Variants in MYT1L observed in about 807,000 individuals in gnomAD.
MYT1L encodes the protein myelin transcription factor 1-like protein.
Under a neutral mutation model 126.7 loss-of-function variants are expected in MYT1L, and 12 were observed. That is an observed-to-expected ratio of 0.09 (90% confidence interval 0.06 to 0.15). The LOEUF is 0.15. Among genes scored for constraint, MYT1L ranks in the 10% least tolerant of loss-of-function variants. The pLI is 1.00. For missense variants in MYT1L, 979 were observed against 1,585.2 expected (o/e 0.62, Z 6.49); for synonymous variants, 541 against 604.2 (o/e 0.90, Z 1.53).
intron 4 of MYT1L, among the ~76,000 whole-genome samples, chr2:2,008,725 T>C (rs1361692701): frequency 6.6e-6 from 1 of 152,190 alleles, no homozygotes; most frequent in Non-Finnish European, 1.5e-5. Flanking sequence ...CATTTAAGCT[T>C]TTGGGTAACA....
At position 2,236,874 on chromosome 2, in the gene MYT1L, C is replaced by T. The variant is rs185800653; in HGVS notation, c.-421+47530G>A. Among the ~76,000 whole-genome samples, 1,037 of 147,694 alleles carry T rather than the reference C, an allele frequency of 7.0e-3. 12 individuals are homozygous for T. Among genetic ancestry groups the T allele is most frequent in the African/African-American group, 0.024 (971 of 40,102 alleles). On this transcript the variant is annotated intron_variant, in intron 2 of 24. Transcript: ENST00000647738. ...TGTTGCCCAGGCTGGAATGCAATGG[C>T]GTGATCTCGGCTCACTGTAACCTCT...
chr2:1,915,754 G>A (rs1488211162), intron 11 of MYT1L, among the ~76,000 whole-genome samples: 1 of 152,124 alleles, frequency 6.6e-6, no homozygotes, highest in Non-Finnish European at 1.5e-5. Context: ...ATCTTAGCCC[G>A]GAGCTTACTT....
chr2:1,883,256 C>T (rs1384160570), intron 18 of MYT1L, among the ~76,000 whole-genome samples: 1 of 152,236 alleles, frequency 6.6e-6, no homozygotes, highest in African/African-American at 2.4e-5. Flanking sequence ...CTCTTAAGAG[C>T]CAATTCTCTG....
At chr2:1,826,552 C>T (rs1317740381) in intron 21 of MYT1L, among the ~76,000 whole-genome samples, 1 of 152,114 alleles carries the variant, frequency 6.6e-6, no homozygotes, top group Non-Finnish European at 1.5e-5. Context: ...CAGTTCGAGA[C>T]AGATGTTGAA....
At chr2:1,836,633 C>A (rs1231500403) in intron 21 of MYT1L, among the ~76,000 whole-genome samples, 4 of 151,550 alleles carry the variant, frequency 2.6e-5, no homozygotes, top group Non-Finnish European at 2.9e-5. Context: ...TCACAAAATT[C>A]CATCAGCCTG....
At chr2:2,233,334 T>A (rs997470786) in intron 2 of MYT1L, among the ~76,000 whole-genome samples, 19 of 152,062 alleles carry the variant, frequency 1.2e-4, no homozygotes, top group African/African-American at 4.3e-4. Flanking sequence ...AGGGCTGAGA[T>A]GCGGGGGTGT....
chr2:2,240,496 T>C (rs75935988), intron 2 of MYT1L, among the ~76,000 whole-genome samples: 3,312 of 152,332 alleles, frequency 0.022, 46 homozygotes, highest in Middle Eastern at 0.065. Flanking sequence ...TGGATCATTA[T>C]CTACTCTTTG....
chr2:1,796,442 C>A (rs891684792), intron 23 of MYT1L, among the ~76,000 whole-genome samples: 6 of 152,252 alleles, frequency 3.9e-5, no homozygotes, highest in Non-Finnish European at 7.3e-5. Flanking sequence ...GGCTTAGCCC[C>A]AGGGAGAACA....
chr2:1,807,111 G>C (rs926858670), intron 22 of MYT1L, among the ~76,000 whole-genome samples: 1 of 152,188 alleles, frequency 6.6e-6, no homozygotes, highest in Non-Finnish European at 1.5e-5. Context: ...AAACTGACAG[G>C]AGCAGCCTGG....
chr2:2,295,565 CAGAGAGAGAG>C (rs60405946), intron 1 of MYT1L, among the ~76,000 whole-genome samples: 1 of 33,860 alleles, frequency 3.0e-5, no homozygotes, highest in Non-Finnish European at 5.7e-5. Flanking sequence ...GACAGACAGA[CAGAGAGAGAG>C]AGAGAGAGAC....
In MYT1L at chr2:2,033,064, G is replaced by A. The variant is rs1417234499; in HGVS notation, c.-158+20914C>T. 1.3e-3 allele frequency among the ~76,000 whole-genome samples: 152 copies of A among 119,800 alleles called. 1 individual carries two copies. The highest frequency in any genetic ancestry group is 7.5e-3 in the Middle Eastern group (1 of 134). 78.6% of individuals were successfully genotyped at this position (119,800 alleles called of 152,430 possible). Reference sequence around the variant, plus strand: ...AAGGAGGGCCTTACACACACCCCTCGCCAGTGCCTCTCATCCTGTGGCCCA... The same window carrying A: ...AAGGAGGGCCTTACACACACCCCTCACCAGTGCCTCTCATCCTGTGGCCCA... On this transcript the variant is annotated intron_variant, in intron 4 of 24. Transcript: ENST00000647738.
At chr2:2,297,226 G>A (rs2095709069) in intron 1 of MYT1L, among the ~76,000 whole-genome samples, 1 of 152,238 alleles carries the variant, frequency 6.6e-6, no homozygotes, top group Admixed American at 6.5e-5. Flanking sequence ...TCTCAGTGAA[G>A]TCGTGACCCT....
At chr2:1,927,486 G>A (rs1038707264) in intron 9 of MYT1L, among the ~76,000 whole-genome samples, 2 of 152,130 alleles carry the variant, frequency 1.3e-5, no homozygotes, top group Non-Finnish European at 2.9e-5. Context: ...GAGTCTGGTA[G>A]AGTCAGAACT....
rs77312930 is a variant in MYT1L at position 1,860,192 on chromosome 2, C to T, written c.2712-8489G>A. Among the ~76,000 whole-genome samples the T allele has an allele frequency of 8.3e-3, 1,264 of 152,344 alleles. 16 individuals carry two copies. Among genetic ancestry groups the T allele is most frequent in the Middle Eastern group, 0.017 (5 of 294 alleles). Reference sequence around the variant, plus strand: ...ACATCCTGACGTCCCATTCACTTAACGGGATGTGTCCATGGGAACTGCTGC... The same window carrying T: ...ACATCCTGACGTCCCATTCACTTAATGGGATGTGTCCATGGGAACTGCTGC... On this transcript the variant is annotated intron_variant, in intron 18 of 24. Coordinates refer to ENST00000647738, the MANE Select transcript of MYT1L (RefSeq NM_001303052.2).
chr2:2,259,927 A>T lies in MYT1L; in HGVS notation c.-421+24477T>A, dbSNP rs181216693. ...CTGTGAAGACACAGTAGCCTAATGT[A>T]TGTGAAAAATGTTTCAGAAACAGTC... On this transcript the variant is annotated intron_variant, in intron 2 of 24. Transcript: ENST00000647738. 1.5e-4 allele frequency among the ~76,000 whole-genome samples: 23 copies of T among 152,350 alleles called. No individual in the cohort carries two copies. In the East Asian group the frequency reaches 3.7e-3, roughly 24 times the overall value.
chr2:2,135,899 G>A (rs932608920), intron 3 of MYT1L, among the ~76,000 whole-genome samples: 2 of 152,108 alleles, frequency 1.3e-5, no homozygotes, highest in African/African-American at 4.8e-5. Flanking sequence ...TTAAGAAAAC[G>A]TTCTACTATA....
intron 1 of MYT1L, among the ~76,000 whole-genome samples, chr2:2,320,608 G>A (rs185058677): frequency 1.3e-5 from 2 of 152,218 alleles, no homozygotes; most frequent in African/African-American, 2.4e-5. Context: ...CATCATTGAC[G>A]CCAGCCTACA....
At chr2:2,254,129 G>C (rs17039467) in intron 2 of MYT1L, among the ~76,000 whole-genome samples, 2,432 of 152,260 alleles carry the variant, frequency 0.016, 62 homozygotes, top group African/African-American at 0.056. Flanking sequence ...GTATCCCAAA[G>C]AGTATATGGT....
intron 19 of MYT1L, among the ~76,000 whole-genome samples, chr2:1,845,534 C>T (rs1005146954): frequency 5.9e-5 from 9 of 152,144 alleles, no homozygotes; most frequent in African/African-American, 2.2e-4. Context: ...CGCCTGCCTT[C>T]TTCCCCAGGG....
Sources: allele counts gnomAD v4.1 joint callset (sites outside exome capture counted in the v4.1 genomes callset), GRCh38; gene constraint gnomAD v4.1.1; transcripts MANE v1.5; gene names NCBI Gene and HGNC (gene_info 2026-07-23, HGNC 2026-07-21).